The following TRPC6 variants were observed in gnomAD, a reference collection of about 807,000 sequenced individuals.
TRPC6 encodes short transient receptor potential channel 6.
In TRPC6, 55 loss-of-function variants were observed where a neutral mutation model predicts 90.7. That is an observed-to-expected ratio of 0.61 (90% CI 0.49 to 0.76). The LOEUF (loss-of-function observed/expected upper bound fraction) is 0.76. Ranked by LOEUF, TRPC6 falls within the 30% of genes least tolerant of loss-of-function variation. The pLI is 0.00. For missense variants in TRPC6, 989 were observed against 1,122.7 expected, an observed-to-expected ratio of 0.88 and a Z score of 1.70; for synonymous variants, 393 against 393.0, an observed-to-expected ratio of 1.00 and a Z score of 0.00.
At chr11:101,542,181 G>T (rs1227731898) in intron 1 of TRPC6, among the ~76,000 whole-genome samples, 1 of 152,150 alleles carries the variant, frequency 6.6e-6, no homozygotes, top group African/African-American at 2.4e-5. Context: ...GTAATTTCAA[G>T]GATAGATGAG....
intron 11 of TRPC6, among the ~76,000 whole-genome samples, chr11:101,454,664 T>C (rs1858843856): frequency 1.3e-5 from 2 of 151,854 alleles, no homozygotes; most frequent in South Asian, 4.1e-4. Context: ...CATATAGGCA[T>C]ATAATCATCT....
chr11:101,545,486 A>C (rs1861281999), intron 1 of TRPC6, among the ~76,000 whole-genome samples: 1 of 152,184 alleles, frequency 6.6e-6, no homozygotes, highest in Non-Finnish European at 1.5e-5. Context: ...ACATTGCCCC[A>C]ACAATTGATA....
At chr11:101,582,164 G>C (rs1862212378) in intron 1 of TRPC6, among the ~76,000 whole-genome samples, 1 of 152,198 alleles carries the variant, frequency 6.6e-6, no homozygotes, top group South Asian at 2.1e-4. Context: ...GCACACAGAT[G>C]AATGAAACCA....
chr11:101,491,832 C>CTTTTTTTTTTTT, intron 2 of TRPC6, 94 bp from the exon 3 acceptor site: 1 of 568,382 alleles, frequency 1.8e-6, no homozygotes, highest in African/African-American at 3.4e-5. Flanking sequence ...TTAAGAGAAA[C>CTTTTTTTTTTTT]ATTCTTTTTT....
intron 1 of TRPC6, among the ~76,000 whole-genome samples, chr11:101,547,577 TA>T (rs1323080288): frequency 6.6e-6 from 1 of 152,190 alleles, no homozygotes; most frequent in African/African-American, 2.4e-5. Flanking sequence ...ATGCCCCCAG[TA>T]TATCAATTGA....
At chr11:101,454,839 T>A (rs973713352) in intron 11 of TRPC6, among the ~76,000 whole-genome samples, 179 bp downstream of exon 11, 1 of 150,178 alleles carries the variant, frequency 6.7e-6, no homozygotes, top group Non-Finnish European at 1.5e-5. Context: ...TTATTTTTTT[T>A]AACTTATATA....
intron 1 of TRPC6, among the ~76,000 whole-genome samples, chr11:101,545,408 C>G (rs925840151): frequency 6.6e-6 from 1 of 152,040 alleles, no homozygotes; most frequent in Admixed American, 6.6e-5. Context: ...TTGCTATCTG[C>G]GTGGGGAGTG....
chr11:101,532,837 T>C (rs1306384459), intron 1 of TRPC6, among the ~76,000 whole-genome samples: 1 of 152,002 alleles, frequency 6.6e-6, no homozygotes, highest in African/African-American at 2.4e-5. Flanking sequence ...AATGGGAAGG[T>C]ACATCAGATT....
chr11:101,539,273 T>A (rs529684758), intron 1 of TRPC6, among the ~76,000 whole-genome samples: 1 of 152,356 alleles, frequency 6.6e-6, no homozygotes, highest in Admixed American at 6.5e-5. Context: ...ACTCTGAGGC[T>A]AGACTGCTCT....
rs201176913 is a variant in TRPC6, at chr11:101,504,603, G to A, written c.366C>T (p.His122=). 4 of 1,613,906 alleles carry A rather than the reference G, an allele frequency of 2.5e-6. No individual in the cohort carries two copies. Among genetic ancestry groups the A allele is most frequent in the Non-Finnish European group, 3.4e-6 (4 of 1,179,830 alleles). ...PVVRKMLEEC[H]SLNVNCVDYM... is the part of the protein sequence containing the mutation. ...AATCCACACAGTTAACGTTGAGTGA[G>A]TGGCATTCTTCTAACATCTTCCGCA... Residue 122 remains histidine, a synonymous_variant, in exon 2 of 13, where the codon CAC becomes CAT. Transcript: ENST00000344327.
chr11:101,540,226 G>T (rs1861138303), intron 1 of TRPC6, among the ~76,000 whole-genome samples: 1 of 152,286 alleles, frequency 6.6e-6, no homozygotes, highest in South Asian at 2.1e-4. Flanking sequence ...TGAGGCCTCT[G>T]CTCTTCAGCT....
At chr11:101,559,317 T>C (rs1380011433) in intron 1 of TRPC6, among the ~76,000 whole-genome samples, 1 of 152,202 alleles carries the variant, frequency 6.6e-6, no homozygotes, top group Non-Finnish European at 1.5e-5. Flanking sequence ...AATTTTACAC[T>C]GTATTCATAA....
At chr11:101,533,149 G>A (rs930664506) in intron 1 of TRPC6, among the ~76,000 whole-genome samples, 3 of 152,148 alleles carry the variant, frequency 2.0e-5, no homozygotes, top group African/African-American at 4.8e-5. Context: ...GGGAGTAAGA[G>A]TTTGTATTAT....
chr11:101,555,231 T>C (rs1236241807), intron 1 of TRPC6, among the ~76,000 whole-genome samples: 4 of 152,234 alleles, frequency 2.6e-5, no homozygotes, highest in African/African-American at 9.6e-5. Context: ...CAGGATGTTT[T>C]AGGCTTGGTG....
At position 101,546,050 on chromosome 11, in the gene TRPC6, C is replaced by CTT. The variant is rs1166182552; in HGVS notation, c.170+37282_170+37283dup. Among the ~76,000 whole-genome samples, 54 of 29,722 alleles carry CTT rather than the reference C, an allele frequency of 1.8e-3. 6 individuals carry two copies. The highest frequency in any genetic ancestry group is 3.6e-3 in the African/African-American group (28 of 7,734). The allele number at this position is 29,722 out of a possible 152,430, so 19.5% of individuals were successfully genotyped here. A position where few individuals can be genotyped will look rare whatever the true frequency, so the allele number is the denominator to read the frequency against. On this transcript the variant is annotated intron_variant, in intron 1 of 12. Transcript: ENST00000344327. ...TGGATCTAGTATCACATTTATAACT[C>CTT]TTTTTTTTTTTTTTTTTTTTTTTTT...
chr11:101,459,880 G>C (rs1014255406), intron 10 of TRPC6, among the ~76,000 whole-genome samples: 1 of 152,078 alleles, frequency 6.6e-6, no homozygotes, highest in Non-Finnish European at 1.5e-5. Context: ...TTACATTTGC[G>C]TAGTGTTTAC....
rs200322946 is a variant in TRPC6, at chr11:101,504,007, T to C, written c.945+17A>G. On this transcript the variant is annotated intron_variant, in intron 2 of 12. Coordinates refer to ENST00000344327, the MANE Select transcript of TRPC6 (RefSeq NM_004621.6). ...TCTGGCTTGTGGAGGGTGAAGTCTC[T>C]ATTGTTAGTGACCTACCTTGAACTC... The C allele has an allele frequency of 1.9e-5, 30 of 1,613,982 alleles. No individual in the cohort carries two copies. The South Asian group carries it at 3.3e-4, about 18-fold the overall frequency.
intron 1 of TRPC6, among the ~76,000 whole-genome samples, chr11:101,538,987 A>C (rs11224826): frequency 0.24 from 36,472 of 152,164 alleles, 4,521 homozygotes; most frequent in Admixed American, 0.28. Flanking sequence ...GTGCTTCGTG[A>C]AACTCAGAAC....
At chr11:101,495,258 G>T (rs2136715400) in intron 2 of TRPC6, among the ~76,000 whole-genome samples, 1 of 152,266 alleles carries the variant, frequency 6.6e-6, no homozygotes, top group Middle Eastern at 3.4e-3. Flanking sequence ...CTCTTAGTTG[G>T]ATTTTAAATA....
Sources: allele counts gnomAD v4.1 joint callset (sites outside exome capture counted in the v4.1 genomes callset), GRCh38; gene constraint gnomAD v4.1.1; transcripts MANE v1.5; gene names NCBI Gene and HGNC (gene_info 2026-07-23, HGNC 2026-07-21).